CDR2: variants seen among roughly 807,000 people sequenced by gnomAD.
CDR2 encodes cerebellar degeneration-related protein 2.
In CDR2, 34 loss-of-function variants were observed where a neutral mutation model predicts 48.4. The observed-to-expected ratio is 0.70, with a 90% CI of 0.53 to 0.94. CDR2 has a LOEUF of 0.94. CDR2 is among the 40% of genes least tolerant of loss of function. CDR2 has a pLI of 0.00. For missense variants in CDR2, 498 were observed against 549.5 expected (o/e 0.91, Z 0.94); for synonymous variants, 240 against 219.7 (o/e 1.09, Z -0.82).
At position 22,364,994 on chromosome 16, in the gene CDR2, G is replaced by A. The variant is rs759309066; in HGVS notation, c.100C>T (p.Leu34Phe). 5 of 1,611,572 alleles carry A rather than the reference G, an allele frequency of 3.1e-6. No homozygotes were observed. Among genetic ancestry groups the A allele is most frequent in the Admixed American group, 1.7e-5 (1 of 59,996 alleles). ...LQQDLQLAAE[L>F]GKTLLDRNTE... is the part of the protein sequence containing the mutation. ...TTCCGATCCAGTAATGTCTTCCCAA[G>A]CTCAGCAGCAAGTTGAAGATCTAGC... Residue 34 changes from leucine to phenylalanine, a missense_variant, in exon 2 of 5, where the codon CTT becomes TTT. Physicochemically the swap from Leu to Phe is conservative, Grantham distance 22. Transcript: ENST00000268383.
At position 22,349,880 on chromosome 16, in the gene CDR2, A is replaced by C. The variant is rs184246830; in HGVS notation, c.193-31T>G. 2.2e-4 allele frequency: 355 copies of C among 1,611,216 alleles called. 1 individual carries two copies. In the African/African-American group the frequency reaches 4.1e-3, roughly 18 times the overall value. On this transcript the variant is annotated intron_variant, in intron 2 of 4. Coordinates refer to ENST00000268383, the MANE Select transcript of CDR2 (RefSeq NM_001802.2). ...AGAGAAGATCAGGACCAGGTGACAC[A>C]AACAGATAAGATACCTGCTGTTTCT...
intron 1 of CDR2, chr16:22,367,283 C>T (rs992626072): frequency 6.6e-6 from 1 of 152,344 alleles, no homozygotes; most frequent in East Asian, 1.9e-4. Context: ...CCACATCAGC[C>T]TCCCAAAATG....
Position 22,346,768 on chromosome 16 carries a change from G to A in CDR2, c.*197C>T. On this transcript the variant is annotated 3_prime_UTR_variant, in exon 5 of 5. Coordinates refer to ENST00000268383, the MANE Select transcript of CDR2 (RefSeq NM_001802.2). ...CCAGTTTGTCATGGGATTTCCTGGG[G>A]AGCTTAAATGGAAGTGGATCAGAGA... 3.1e-6 allele frequency: 2 copies of A among 636,470 alleles called. No individual in the cohort carries two copies. Among genetic ancestry groups the A allele is most frequent in the South Asian group, 4.1e-5 (2 of 48,934 alleles). 39.4% of individuals were successfully genotyped at this position (636,470 alleles called of 1,614,324 possible).
At chr16:22,356,795 G>A (rs1351364007) in intron 2 of CDR2, among the ~76,000 whole-genome samples, 1 of 151,406 alleles carries the variant, frequency 6.6e-6, no homozygotes, top group Non-Finnish European at 1.5e-5. Context: ...AATTATCCAG[G>A]CAAGGTAGTG....
At chr16:22,374,031 A>T (rs2049098712) in intron 1 of CDR2, among the ~76,000 whole-genome samples, 200 bp downstream of exon 1, 1 of 152,222 alleles carries the variant, frequency 6.6e-6, no homozygotes, top group African/African-American at 2.4e-5. Flanking sequence ...TCAACTGCGC[A>T]TTAGCAAGGC....
At chr16:22,357,707 G>A (rs1261564290) in intron 2 of CDR2, among the ~76,000 whole-genome samples, 1 of 152,198 alleles carries the variant, frequency 6.6e-6, no homozygotes, top group East Asian at 1.9e-4. Flanking sequence ...TCAAGTTGTT[G>A]TTCTCTTACA....
At chr16:22,368,915 C>T (rs1384182611) in intron 1 of CDR2, 1 of 151,894 alleles carries the variant, frequency 6.6e-6, no homozygotes, top group African/African-American at 2.4e-5. Context: ...CTGTTTTCAC[C>T]AAATGAAAAA....
intron 2 of CDR2, among the ~76,000 whole-genome samples, chr16:22,350,298 C>A (rs971192087): frequency 6.6e-6 from 1 of 152,202 alleles, no homozygotes; most frequent in Non-Finnish European, 1.5e-5. Context: ...CATCTCTGGG[C>A]TCACTGGCCT....
intron 2 of CDR2, among the ~76,000 whole-genome samples, chr16:22,362,231 T>C (rs2049015282): frequency 1.3e-5 from 2 of 152,220 alleles, no homozygotes; most frequent in African/African-American, 4.8e-5. Flanking sequence ...CATGAAGGTC[T>C]GAACTGGATT....
chr16:22,367,683 A>G (rs1419126079), intron 1 of CDR2, among the ~76,000 whole-genome samples: 1 of 152,232 alleles, frequency 6.6e-6, no homozygotes, highest in Non-Finnish European at 1.5e-5. Context: ...AGTAAAACTT[A>G]GCATTGAGTA....
chr16:22,362,989 G>A (rs2049020238), intron 2 of CDR2, among the ~76,000 whole-genome samples: 1 of 138,322 alleles, frequency 7.2e-6, no homozygotes, highest in South Asian at 2.2e-4. Flanking sequence ...GTCTTGCTCT[G>A]TTGCCTAGGC....
In CDR2 at chr16:22,347,438, C is replaced by T; in HGVS notation, c.892G>A (p.Val298Met). 1 of 1,614,036 alleles carries T rather than the reference C, an allele frequency of 6.2e-7. No homozygotes were observed. Among genetic ancestry groups the T allele is most frequent in the Non-Finnish European group, 8.5e-7 (1 of 1,179,956 alleles). The stretch of plus-strand genomic sequence containing the variant: ...AGAGGCTTTCTATGTGATTCCGGCA[C>T]AGTCAGGAACATCTCTTCCAGCAGG... The part of the protein sequence containing the change: ...QSLLEEMFLT[V>M]PESHRKPLKR... Residue 298 changes from valine (V) to methionine (M), a missense_variant, in exon 5 of 5, where the codon GTG becomes ATG. Physicochemically the swap from Val to Met is conservative, Grantham distance 21 (BLOSUM62 1). Coordinates refer to ENST00000268383, the MANE Select transcript of CDR2 (RefSeq NM_001802.2).
chr16:22,366,819 G>A (rs1205928964), intron 1 of CDR2, among the ~76,000 whole-genome samples: 1 of 152,180 alleles, frequency 6.6e-6, no homozygotes, highest in Non-Finnish European at 1.5e-5. Context: ...TGGGAGCAGA[G>A]TGACAGAAAG....
intron 2 of CDR2, among the ~76,000 whole-genome samples, chr16:22,358,865 T>C (rs1335492831): frequency 2.0e-5 from 3 of 152,230 alleles, no homozygotes; most frequent in Non-Finnish European, 4.4e-5. Flanking sequence ...CTATTTCCAG[T>C]AATTCTGGAA....
chr16:22,360,736 G>GT (rs2049005149), intron 2 of CDR2, among the ~76,000 whole-genome samples: 1 of 120,554 alleles, frequency 8.3e-6, no homozygotes, highest in African/African-American at 3.1e-5. Context: ...TTAAAAAAAT[G>GT]ATCTTTTTTT....
chr16:22,368,382 G>C (rs1032727961), intron 1 of CDR2, among the ~76,000 whole-genome samples: 6 of 152,058 alleles, frequency 3.9e-5, no homozygotes, highest in African/African-American at 1.2e-4. Flanking sequence ...GCTAATTTTT[G>C]TATTGTTAGT....
At chr16:22,365,836 G>A (rs768601828) in intron 1 of CDR2, among the ~76,000 whole-genome samples, 4 of 152,140 alleles carry the variant, frequency 2.6e-5, no homozygotes, top group Non-Finnish European at 4.4e-5. Flanking sequence ...ATCTTATGGA[G>A]CAGTCCTTTG....
intron 2 of CDR2, 82 bp from the exon 3 acceptor site, chr16:22,349,931 G>A (rs1179866376): frequency 6.0e-6 from 8 of 1,338,692 alleles, no homozygotes; most frequent in Non-Finnish European, 4.2e-6. Flanking sequence ...GCTCACGCCT[G>A]TAATCCCAGC....
chr16:22,371,230 AAGC>A (rs2049073826), intron 1 of CDR2, among the ~76,000 whole-genome samples: 1 of 152,038 alleles, frequency 6.6e-6, no homozygotes, highest in African/African-American at 2.4e-5. Flanking sequence ...AAAAAGTTTT[AAGC>A]AGTTCTCTCC....
Sources: gnomAD v4.1 joint callset for allele counts (sites outside exome capture counted in the v4.1 genomes callset) on GRCh38, gnomAD v4.1.1 for gene constraint, MANE v1.5 for transcripts, NCBI Gene and HGNC (gene_info 2026-07-23, HGNC 2026-07-21) for gene names.